MBD3L1: variants seen among roughly 807,000 people sequenced by gnomAD.
The protein encoded by MBD3L1 is methyl-CpG-binding domain protein 3-like 1.
For synonymous variants in MBD3L1, 84 were observed against 85.1 expected, an observed-to-expected ratio of 0.99 and a Z score of 0.07; for missense variants, 203 against 230.1, an observed-to-expected ratio of 0.88 and a Z score of 0.76.
chr19:8,839,185 C>CTTTTTTTTTTTT (rs57499698), intron 1 of MBD3L1, among the ~76,000 whole-genome samples: 7 of 122,120 alleles, frequency 5.7e-5, no homozygotes, highest in East Asian at 2.3e-4. Flanking sequence ...CTTTTCTTTT[C>CTTTTTTTTTTTT]TTTTTTTTTT....
At chr19:8,839,182 TTTC>T (rs2044485294) in intron 1 of MBD3L1, among the ~76,000 whole-genome samples, 2 of 49,744 alleles carry the variant, frequency 4.0e-5, no homozygotes, top group African/African-American at 1.8e-4. Flanking sequence ...TTTCTTTTCT[TTTC>T]TTTTTTTTTT....
chr19:8,842,149 T>C (rs2044519141), intron 2 of MBD3L1, among the ~76,000 whole-genome samples: 2 of 151,610 alleles, frequency 1.3e-5, no homozygotes, highest in African/African-American at 4.8e-5. Flanking sequence ...GACAATATGG[T>C]GAAACCTCGT....
At chr19:8,834,639 A>C (rs369013421) in intron 1 of MBD3L1, among the ~76,000 whole-genome samples, 11 of 146,634 alleles carry the variant, frequency 7.5e-5, no homozygotes, top group African/African-American at 2.0e-4. Context: ...AAAAAAAAAC[A>C]AAAAAAAAAC....
intron 2 of MBD3L1, among the ~76,000 whole-genome samples, chr19:8,841,842 C>A (rs1238677131): frequency 1.3e-5 from 2 of 152,136 alleles, no homozygotes; most frequent in Non-Finnish European, 2.9e-5. Context: ...CAGATGTAAG[C>A]CACTGTGCTG....
intron 1 of MBD3L1, among the ~76,000 whole-genome samples, chr19:8,835,160 T>C (rs2044441865): frequency 6.6e-6 from 1 of 152,030 alleles, no homozygotes. Flanking sequence ...CAAGCGATTC[T>C]CCTGCCTCAG....
chr19:8,832,914 C>T (rs1406769460), intron 1 of MBD3L1, among the ~76,000 whole-genome samples: 4 of 149,928 alleles, frequency 2.7e-5, no homozygotes, highest in Admixed American at 6.6e-5. Flanking sequence ...GTGGGTGTAC[C>T]GGTCTTGGAG....
chr19:8,843,139 T>G lies in MBD3L1; in HGVS notation c.461T>G (p.Ile154Ser). The G allele has an allele frequency of 6.2e-7, 1 of 1,613,502 alleles. No homozygotes were observed. Among genetic ancestry groups the G allele is most frequent in the Non-Finnish European group, 8.5e-7 (1 of 1,179,852 alleles). The change falls in exon 3 of 3, where the codon ATC becomes AGC. Residue 154 changes from isoleucine (I) to serine (S), a missense_variant. Coordinates refer to ENST00000595891, the MANE Select transcript of MBD3L1 (RefSeq NM_001393532.1). ...CAATTTCTGGTTACTGAGGAAGATA[T>G]CAGGAAACAGGAAGGGAAAGTGAAG... ...CKQFLVTEEDIRKQEGKVKTV... is the reference protein window; with the variant it reads ...CKQFLVTEEDSRKQEGKVKTV...
chr19:8,836,252 A>C (rs2044454079), intron 1 of MBD3L1, among the ~76,000 whole-genome samples: 1 of 152,212 alleles, frequency 6.6e-6, no homozygotes, highest in African/African-American at 2.4e-5. Context: ...GAAAAATAAA[A>C]TACTACATAA....
At chr19:8,835,439 A>G (rs545702836) in intron 1 of MBD3L1, among the ~76,000 whole-genome samples, 14 of 152,330 alleles carry the variant, frequency 9.2e-5, no homozygotes, top group Middle Eastern at 3.4e-3. Context: ...GCTCGGCCCC[A>G]TTAATCATTA....
intron 2 of MBD3L1, among the ~76,000 whole-genome samples, chr19:8,842,429 A>G (rs900361628): frequency 1.3e-5 from 2 of 152,168 alleles, no homozygotes; most frequent in African/African-American, 4.8e-5. Context: ...CAGAAAGAGA[A>G]TAAAATAGTA....
intron 1 of MBD3L1, among the ~76,000 whole-genome samples, chr19:8,838,270 A>AAAAAAAAAAAAAG: frequency 6.9e-6 from 1 of 145,308 alleles, no homozygotes; most frequent in Non-Finnish European, 1.5e-5. Flanking sequence ...AAAAAAAAAA[A>AAAAAAAAAAAAAG]AAAAAAAAAA....
chr19:8,833,115 A>G (rs1361875920), intron 1 of MBD3L1: 1 of 152,280 alleles, frequency 6.6e-6, no homozygotes, highest in Admixed American at 6.6e-5. Context: ...AAAAGGGTGT[A>G]TGATGTGGGT....
chr19:8,842,635 C>A, intron 2 of MBD3L1, 23 bp from the exon 3 acceptor site: 1 of 1,530,634 alleles, frequency 6.5e-7, no homozygotes, highest in Admixed American at 1.8e-5. Context: ...AATTTGACCC[C>A]ATTTCATGAT....
chr19:8,832,571 T>TG (rs1447165292), intron 1 of MBD3L1, 49 bp downstream of exon 1: 1 of 140,964 alleles, frequency 7.1e-6, no homozygotes, highest in East Asian at 2.0e-4. Flanking sequence ...GCACGAGGCC[T>TG]GGGGGCGGGG....
chr19:8,836,469 C>A (rs1036199264), intron 1 of MBD3L1, among the ~76,000 whole-genome samples: 3 of 150,480 alleles, frequency 2.0e-5, no homozygotes, highest in Admixed American at 1.3e-4. Context: ...CCTCCTCCCC[C>A]CCTCTCCTCC....
At chr19:8,840,269 T>C (rs1369525973) in intron 1 of MBD3L1, among the ~76,000 whole-genome samples, 1 of 151,422 alleles carries the variant, frequency 6.6e-6, no homozygotes, top group Non-Finnish European at 1.5e-5. Context: ...GAAGAAGGAA[T>C]GAGGCTCAGA....
chr19:8,842,688 A>G lies in MBD3L1; in HGVS notation c.10A>G (p.Ser4Gly). MAK[S>G]SQRKQRDCVN... ...GAGGAAAAGAAGTGTGATGGCCAAG[A>G]GTTCACAGAGGAAGCAACGTGACTG... The change falls in exon 3 of 3, where the codon AGT becomes GGT. Residue 4 changes from serine (S) to glycine (G), a missense_variant. Ser to Gly is a moderately conservative substitution (Grantham distance 56). Transcript: ENST00000595891. 1 of 1,613,132 alleles carries G rather than the reference A, an allele frequency of 6.2e-7. No homozygotes were observed. Among genetic ancestry groups the G allele is most frequent in the Non-Finnish European group, 8.5e-7 (1 of 1,179,308 alleles).
At chr19:8,841,128 G>C (rs1320317688) in intron 2 of MBD3L1, 129 bp downstream of exon 2, 3 of 151,134 alleles carry the variant, frequency 2.0e-5, no homozygotes, top group African/African-American at 7.3e-5. Flanking sequence ...CTGGGTTCAA[G>C]TGATTCTCCC....
At chr19:8,838,423 G>C (rs570083512) in intron 1 of MBD3L1, among the ~76,000 whole-genome samples, 91 of 152,154 alleles carry the variant, frequency 6.0e-4, no homozygotes, top group African/African-American at 2.2e-3. Flanking sequence ...CCTCTCCCGA[G>C]GACATGGATA....
Sources: allele counts gnomAD v4.1 joint callset (sites outside exome capture counted in the v4.1 genomes callset), GRCh38; gene constraint gnomAD v4.1.1; transcripts MANE v1.5; gene names NCBI Gene and HGNC (gene_info 2026-07-23, HGNC 2026-07-21).